ADAM22: variants seen among roughly 807,000 people sequenced by gnomAD.
ADAM22 encodes the protein disintegrin and metalloproteinase domain-containing protein 22.
ADAM22 carries 65 observed loss-of-function variants against 144.6 expected under a neutral mutation model. That is an observed-to-expected ratio of 0.45 (90% CI 0.37 to 0.55). ADAM22 has a LOEUF of 0.55. ADAM22 is among the 20% of genes least tolerant of loss of function. The probability of loss-of-function intolerance (pLI) is 0.00; values close to 1 mark genes in which losing one functional copy is unlikely to be tolerated. For missense variants in ADAM22, 974 were observed against 1,184.9 expected (o/e 0.82, Z 2.61); for synonymous variants, 391 against 412.6 (o/e 0.95, Z 0.63).
intron 3 of ADAM22, among the ~76,000 whole-genome samples, chr7:88,068,319 G>T (rs1329152403): frequency 6.6e-6 from 1 of 152,070 alleles, no homozygotes; most frequent in Non-Finnish European, 1.5e-5. Flanking sequence ...ATGAAATTTG[G>T]ATCCTTAAAG....
At chr7:88,063,728 A>G (rs1490057092) in intron 3 of ADAM22, among the ~76,000 whole-genome samples, 1 of 152,152 alleles carries the variant, frequency 6.6e-6, no homozygotes, top group Non-Finnish European at 1.5e-5. Context: ...AGAGGAAAAA[A>G]CAGGTCACAT....
chr7:88,012,548 T>C (rs191085094), intron 3 of ADAM22, among the ~76,000 whole-genome samples: 1 of 152,352 alleles, frequency 6.6e-6, no homozygotes, highest in East Asian at 1.9e-4. Context: ...CAGGTACTTC[T>C]AATGTTCTTG....
intron 26 of ADAM22, among the ~76,000 whole-genome samples, chr7:88,173,795 C>CT (rs765204227): frequency 1.3e-5 from 2 of 152,206 alleles, no homozygotes; most frequent in South Asian, 2.1e-4. Context: ...TTCCTCAACT[C>CT]TGAAATCAAG....
chr7:87,974,684 T>A (rs1851468522), intron 2 of ADAM22, among the ~76,000 whole-genome samples: 1 of 152,210 alleles, frequency 6.6e-6, no homozygotes, highest in African/African-American at 2.4e-5. Context: ...CTATAACACA[T>A]TAGCAGAAAC....
In ADAM22 at chr7:88,078,445, T is replaced by G. The variant is rs548040617; in HGVS notation, c.390+2753T>G. On this transcript the variant is annotated intron_variant, in intron 4 of 31. Transcript: ENST00000413139. ...AACTCTAAAAATCAGAGTGCCTCTC[T>G]TCCTCCAAAGGAGCGCAGCTCCTCG... 5.0e-4 allele frequency among the ~76,000 whole-genome samples: 76 copies of G among 152,340 alleles called. 1 individual carries two copies. Among genetic ancestry groups the G allele is most frequent in the Admixed American group, 1.2e-3 (19 of 15,310 alleles).
intron 4 of ADAM22, among the ~76,000 whole-genome samples, chr7:88,083,982 T>C (rs569429189): frequency 6.6e-6 from 1 of 152,310 alleles, no homozygotes; most frequent in Non-Finnish European, 1.5e-5. Flanking sequence ...TTGGCTTCAC[T>C]TCTCTATTTT....
At chr7:88,059,888 A>G (rs1809290525) in intron 3 of ADAM22, among the ~76,000 whole-genome samples, 1 of 152,162 alleles carries the variant, frequency 6.6e-6, no homozygotes, top group South Asian at 2.1e-4. Context: ...GATGGGGACA[A>G]ACGTTGAAAA....
chr7:88,062,685 A>G (rs1249063615), intron 3 of ADAM22, among the ~76,000 whole-genome samples: 1 of 152,194 alleles, frequency 6.6e-6, no homozygotes, highest in Non-Finnish European at 1.5e-5. Flanking sequence ...TTTTTGACTT[A>G]TCTTGGCTTT....
chr7:88,188,336 A>T (rs1269684130), intron 30 of ADAM22, among the ~76,000 whole-genome samples: 1 of 152,134 alleles, frequency 6.6e-6, no homozygotes. Context: ...TCTTAAAATC[A>T]GCACCCAGGT....
chr7:87,941,497 C>A (rs1413959326), intron 2 of ADAM22, among the ~76,000 whole-genome samples: 2 of 151,760 alleles, frequency 1.3e-5, no homozygotes, highest in African/African-American at 4.8e-5. Flanking sequence ...GAGGGTAGCA[C>A]AAACTTTTTT....
chr7:88,030,098 C>A (rs1387962026), intron 3 of ADAM22, among the ~76,000 whole-genome samples: 1 of 152,106 alleles, frequency 6.6e-6, no homozygotes, highest in Admixed American at 6.5e-5. Flanking sequence ...GCCAAAAACT[C>A]TTTAATTTAA....
At chr7:88,012,923 C>G (rs1429516317) in intron 3 of ADAM22, among the ~76,000 whole-genome samples, 2 of 152,034 alleles carry the variant, frequency 1.3e-5, no homozygotes, top group Non-Finnish European at 2.9e-5. Context: ...GGGGAATGTT[C>G]CAGGTGTATT....
At chr7:87,968,420 C>G (rs982663113) in intron 2 of ADAM22, among the ~76,000 whole-genome samples, 1 of 152,106 alleles carries the variant, frequency 6.6e-6, no homozygotes, top group African/African-American at 2.4e-5. Context: ...TGCTTGTAAT[C>G]CCAACGAATC....
chr7:87,957,610 C>T (rs1056789734), intron 2 of ADAM22, among the ~76,000 whole-genome samples: 15 of 151,908 alleles, frequency 9.9e-5, no homozygotes, highest in East Asian at 3.9e-4. Flanking sequence ...GATGGAGTTT[C>T]GCTCTTGTTG....
intron 3 of ADAM22, among the ~76,000 whole-genome samples, chr7:88,024,899 A>T (rs570993176): frequency 1.3e-5 from 2 of 152,262 alleles, no homozygotes; most frequent in East Asian, 3.9e-4. Context: ...TTTTATGGCT[A>T]CATAGTATTC....
At chr7:88,055,626 G>T (rs531152341) in intron 3 of ADAM22, among the ~76,000 whole-genome samples, 19 of 152,204 alleles carry the variant, frequency 1.2e-4, no homozygotes, top group Middle Eastern at 3.4e-3. Flanking sequence ...AATATTAACC[G>T]CACCTAGTTG....
chr7:88,148,899 A>G (rs1837421740), intron 17 of ADAM22, 78 bp from the exon 18 acceptor site: 7 of 1,128,754 alleles, frequency 6.2e-6, no homozygotes, highest in Non-Finnish European at 8.9e-6. Context: ...AACAATTTTC[A>G]TTTTGTTTTT....
At chr7:87,967,535 G>A (rs999443992) in intron 2 of ADAM22, among the ~76,000 whole-genome samples, 2 of 152,046 alleles carry the variant, frequency 1.3e-5, no homozygotes, top group African/African-American at 4.8e-5. Context: ...TATAGGCTGG[G>A]CATGGTGGCT....
intron 1 of ADAM22, 79 bp downstream of exon 1, chr7:87,934,629 G>GGGCA: frequency 7.5e-7 from 1 of 1,339,720 alleles, no homozygotes; most frequent in Non-Finnish European, 1.0e-6. Context: ...ATTGAAAAGG[G>GGGCA]GGCATCCCCA....
Sources: allele counts gnomAD v4.1 joint callset (sites outside exome capture counted in the v4.1 genomes callset), GRCh38; gene constraint gnomAD v4.1.1; transcripts MANE v1.5; gene names NCBI Gene and HGNC (gene_info 2026-07-23, HGNC 2026-07-21).